DLG2: variants seen among roughly 807,000 people sequenced by gnomAD.
DLG2 encodes the protein discs large MAGUK scaffold protein 2.
DLG2 carries 45 observed loss-of-function variants against 132.5 expected under a neutral mutation model. The observed-to-expected ratio is 0.34, with a 90% CI of 0.27 to 0.44. The LOEUF (loss-of-function observed/expected upper bound fraction) is 0.44, where lower values mean the gene tolerates loss of function less well. Among genes scored for constraint, DLG2 ranks in the 20% least tolerant of loss-of-function variants. The probability of loss-of-function intolerance (pLI) is 1.00; values close to 1 mark genes in which losing one functional copy is unlikely to be tolerated. For synonymous variants in DLG2, 424 were observed against 419.6 expected (o/e 1.01, Z -0.13); for missense variants, 1,045 against 1,196.9 (o/e 0.87, Z 1.87).
At chr11:84,773,102 C>T (rs914669183) in intron 6 of DLG2, among the ~76,000 whole-genome samples, 3 of 151,990 alleles carry the variant, frequency 2.0e-5, no homozygotes, top group African/African-American at 7.2e-5. Context: ...AGTGCTATTA[C>T]AACATATCCC....
intron 9 of DLG2, among the ~76,000 whole-genome samples, chr11:84,120,739 C>T (rs1205829019): frequency 6.6e-6 from 1 of 152,138 alleles, no homozygotes; most frequent in East Asian, 1.9e-4. Context: ...ATTATGGCAA[C>T]CAACAAAATA....
chr11:85,544,890 G>T (rs1353419006), intron 3 of DLG2, among the ~76,000 whole-genome samples: 3 of 152,140 alleles, frequency 2.0e-5, no homozygotes. Flanking sequence ...AGACTTTGGG[G>T]TGAGATGATG....
At chr11:84,624,836 AC>A (rs1049746701) in intron 6 of DLG2, among the ~76,000 whole-genome samples, 4 of 136,394 alleles carry the variant, frequency 2.9e-5, no homozygotes, top group Admixed American at 2.2e-4. Context: ...TCTGAGAGTT[AC>A]CTCTCAGAAG....
chr11:83,623,167 A>G (rs893267595), intron 19 of DLG2, among the ~76,000 whole-genome samples: 1 of 151,976 alleles, frequency 6.6e-6, no homozygotes, highest in Non-Finnish European at 1.5e-5. Context: ...ATTGTGTACT[A>G]TCCTTCTTTA....
intron 5 of DLG2, among the ~76,000 whole-genome samples, chr11:85,126,820 T>G (rs1481563739): frequency 6.6e-6 from 1 of 152,218 alleles, no homozygotes; most frequent in Non-Finnish European, 1.5e-5. Flanking sequence ...CCTAAGCATT[T>G]TATAGTTCTT....
intron 7 of DLG2, among the ~76,000 whole-genome samples, chr11:84,288,149 A>C (rs550479345): frequency 1.3e-5 from 2 of 152,060 alleles, no homozygotes; most frequent in Admixed American, 1.3e-4. Flanking sequence ...TACAATGTAC[A>C]TTTGGAAAAT....
At chr11:85,410,879 T>C (rs2089251020) in intron 3 of DLG2, among the ~76,000 whole-genome samples, 2 of 151,742 alleles carry the variant, frequency 1.3e-5, no homozygotes, top group South Asian at 4.1e-4. Flanking sequence ...CCCAATTATC[T>C]GGAGTAGGTC....
At chr11:84,832,646 T>G (rs1234837254) in intron 6 of DLG2, among the ~76,000 whole-genome samples, 1 of 151,696 alleles carries the variant, frequency 6.6e-6, no homozygotes, top group Middle Eastern at 3.4e-3. Flanking sequence ...AATCATACAT[T>G]ATGGGATCAG....
chr11:83,859,580 G>C (rs974472990), intron 16 of DLG2, among the ~76,000 whole-genome samples: 5 of 152,150 alleles, frequency 3.3e-5, no homozygotes, highest in Non-Finnish European at 5.9e-5. Context: ...TGCTGTTAAA[G>C]GCATTCAGTT....
chr11:84,721,875 T>C (rs1052408324), intron 6 of DLG2, among the ~76,000 whole-genome samples: 3 of 152,326 alleles, frequency 2.0e-5, no homozygotes, highest in South Asian at 4.1e-4. Flanking sequence ...TAGACAGATA[T>C]ACTGAACAAC....
chr11:84,586,166 G>A (rs867160478), intron 6 of DLG2, among the ~76,000 whole-genome samples: 2 of 85,076 alleles, frequency 2.4e-5, no homozygotes, highest in African/African-American at 6.5e-5. Flanking sequence ...AAAAAAAAAA[G>A]GGTTTGTAAT....
chr11:84,855,969 C>T lies in DLG2; in HGVS notation c.357+255692G>A, dbSNP rs550467983. 8.5e-5 allele frequency among the ~76,000 whole-genome samples: 13 copies of T among 152,134 alleles called. 1 individual carries two copies. The East Asian group carries it at 1.7e-3, about 20-fold the overall frequency. ...ATCATCTATCAGGTCACCCCCTTCC[C>T]AGATCCTCTTCCATCTGATGTGTAA... is the stretch of plus-strand genomic sequence containing the variant. On this transcript the variant is annotated intron_variant, in intron 6 of 27. Coordinates refer to ENST00000376104, the MANE Select transcript of DLG2 (RefSeq NM_001142699.3).
At chr11:83,506,089 C>G (rs1365739861) in intron 21 of DLG2, among the ~76,000 whole-genome samples, 3 of 152,148 alleles carry the variant, frequency 2.0e-5, no homozygotes, top group South Asian at 2.1e-4. Context: ...CTAGATGGGT[C>G]AGAAAGCACT....
intron 7 of DLG2, among the ~76,000 whole-genome samples, chr11:84,365,815 A>G (rs936238153): frequency 4.6e-5 from 7 of 152,040 alleles, no homozygotes; most frequent in Admixed American, 2.6e-4. Flanking sequence ...CATGTAGTTG[A>G]AAAGACCAAA....
chr11:84,967,260 A>T (rs2053474364), intron 6 of DLG2, among the ~76,000 whole-genome samples: 1 of 152,124 alleles, frequency 6.6e-6, no homozygotes, highest in Admixed American at 6.6e-5. Flanking sequence ...AAAACTTTAA[A>T]AAACAGGAAT....
In DLG2 at chr11:83,921,333, T is replaced by C. The variant is rs12288940; in HGVS notation, c.1496+8995A>G. On this transcript the variant is annotated intron_variant, in intron 15 of 27. Coordinates refer to ENST00000376104, the MANE Select transcript of DLG2 (RefSeq NM_001142699.3). The stretch of plus-strand genomic sequence containing the variant: ...ATAAAATGATAAATAAAACAAAACT[T>C]CTGCTCAAATAAAATTAATATTCTA... 8.5e-3 allele frequency among the ~76,000 whole-genome samples: 1,293 copies of C among 152,254 alleles called. 7 individuals carry two copies. Among genetic ancestry groups the C allele is most frequent in the Non-Finnish European group, 0.014 (972 of 68,010 alleles).
chr11:84,802,483 G>C (rs570237859), intron 6 of DLG2, among the ~76,000 whole-genome samples: 25 of 152,224 alleles, frequency 1.6e-4, no homozygotes, highest in African/African-American at 4.3e-4. Flanking sequence ...CTTGGAAGAA[G>C]TGTTGACTGA....
At chr11:83,839,823 C>T (rs947562260) in intron 16 of DLG2, among the ~76,000 whole-genome samples, 5 of 152,118 alleles carry the variant, frequency 3.3e-5, no homozygotes, top group Admixed American at 1.3e-4. Context: ...GGTTCAATAC[C>T]GCATTCCATG....
intron 6 of DLG2, among the ~76,000 whole-genome samples, chr11:84,820,365 T>C (rs1488009962): frequency 6.6e-6 from 1 of 151,874 alleles, no homozygotes; most frequent in Non-Finnish European, 1.5e-5. Flanking sequence ...CCTTTCCAGT[T>C]TCTTTCTGTT....
Sources: gnomAD v4.1 joint callset for allele counts (sites outside exome capture counted in the v4.1 genomes callset) on GRCh38, gnomAD v4.1.1 for gene constraint, MANE v1.5 for transcripts, NCBI Gene and HGNC (gene_info 2026-07-23, HGNC 2026-07-21) for gene names.